TSPAN33: variants seen among roughly 807,000 people sequenced by gnomAD.
The protein encoded by TSPAN33 is tetraspanin 33.
Under a neutral mutation model 34.8 loss-of-function variants are expected in TSPAN33, and 27 were observed. The observed-to-expected ratio is 0.78, with a 90% confidence interval of 0.57 to 1.07. The LOEUF is 1.07. Among genes scored for constraint, TSPAN33 ranks in the 50% least tolerant of loss-of-function variants. The probability of loss-of-function intolerance (pLI) is 0.00; values close to 1 mark genes in which losing one functional copy is unlikely to be tolerated. For missense variants in TSPAN33, 272 were observed against 324.9 expected, an observed-to-expected ratio of 0.84 and a Z score of 1.25; for synonymous variants, 119 against 124.2, an observed-to-expected ratio of 0.96 and a Z score of 0.28.
In TSPAN33 at chr7:129,162,383, T is replaced by C; in HGVS notation, c.161-11T>C. On this transcript the variant is annotated splice_polypyrimidine_tract_variant and intron_variant, in intron 2 of 7. Coordinates refer to ENST00000486685, the MANE Select transcript of TSPAN33 (RefSeq NM_178562.5). Reference sequence around the variant, plus strand: ...CACCAGGCTCAGGCTGAGGGCCGGCTCCTTTTCCAGAAGCAGCCCTAGCCT... The same window carrying C: ...CACCAGGCTCAGGCTGAGGGCCGGCCCCTTTTCCAGAAGCAGCCCTAGCCT... 1 of 1,611,562 alleles carries C rather than the reference T, an allele frequency of 6.2e-7. No individual in the cohort carries two copies.
chr7:129,147,294 A>G (rs1810534575), intron 1 of TSPAN33, among the ~76,000 whole-genome samples: 1 of 152,106 alleles, frequency 6.6e-6, no homozygotes, highest in African/African-American at 2.4e-5. Context: ...AGGAGAAACA[A>G]TTTCTGCCTC....
chr7:129,151,006 T>A (rs12666384), intron 1 of TSPAN33, among the ~76,000 whole-genome samples: 32,374 of 152,188 alleles, frequency 0.21, 3,637 homozygotes, highest in Admixed American at 0.27. Flanking sequence ...TTTATGGAGA[T>A]ACTTCCTATA....
At chr7:129,158,869 G>A (rs1466485731) in intron 1 of TSPAN33, among the ~76,000 whole-genome samples, 1 of 151,968 alleles carries the variant, frequency 6.6e-6, no homozygotes, top group Admixed American at 6.6e-5. Context: ...TTCTGCCTCA[G>A]CCTCCTAAGT....
intron 1 of TSPAN33, among the ~76,000 whole-genome samples, chr7:129,160,427 G>C (rs1793030645): frequency 6.6e-6 from 1 of 152,176 alleles, no homozygotes; most frequent in African/African-American, 2.4e-5. Flanking sequence ...CTTAGCACCA[G>C]CCTGGAGACT....
At position 129,162,851 on chromosome 7, in the gene TSPAN33, G is replaced by A. The variant is rs142211237; in HGVS notation, c.307G>A (p.Ala103Thr). ...TCCACAGTTCTCCCTCTGCCTCACC[G>A]CTGTGTTCCTGCTGCAGCTGGCCGC... Reference protein sequence around the residue: ...LLQTFSLCLTAVFLLQLAAGI... With the variant: ...LLQTFSLCLTTVFLLQLAAGI... Residue 103 changes from alanine to threonine, a missense_variant, in exon 4 of 8, where the codon GCT (alanine) becomes ACT (threonine). By Grantham distance (58) the Ala-to-Thr change is moderately conservative. Coordinates refer to ENST00000486685, the MANE Select transcript of TSPAN33 (RefSeq NM_178562.5). 77 of 1,613,776 alleles carry A rather than the reference G, an allele frequency of 4.8e-5. No individual in the cohort carries two copies. In the Middle Eastern group the frequency reaches 4.9e-4, roughly 10 times the overall value.
intron 1 of TSPAN33, among the ~76,000 whole-genome samples, chr7:129,157,960 G>A (rs140235635): frequency 3.5e-4 from 53 of 152,284 alleles, no homozygotes; most frequent in African/African-American, 8.2e-4. Context: ...AGGTTTCACC[G>A]GGCTAAAATC....
rs1260173398 is a variant in TSPAN33, at chr7:129,167,884, C to A, written c.*10C>A. 1 of 1,613,312 alleles carries A rather than the reference C, an allele frequency of 6.2e-7. No individual in the cohort carries two copies. The highest frequency in any genetic ancestry group is 8.5e-7 in the Non-Finnish European group (1 of 1,179,774). The stretch of plus-strand genomic sequence containing the variant: ...TGACCCATGGTACTGAGAATCCATC[C>A]TGCACCTCCTCACCATGGAAACTGG... On this transcript the variant is annotated 3_prime_UTR_variant, in exon 8 of 8. Transcript: ENST00000486685. This position sits in a 1 kb window ranked among gnomAD's most constrained non-coding sequence, Gnocchi z 4.6.
At position 129,163,244 on chromosome 7, in the gene TSPAN33, T is replaced by G. The variant is rs78824571; in HGVS notation, c.363+337T>G. Among the ~76,000 whole-genome samples, 254 of 152,248 alleles carry G rather than the reference T, an allele frequency of 1.7e-3. 2 individuals are homozygous for G. Among genetic ancestry groups the G allele is most frequent in the African/African-American group, 5.6e-3 (234 of 41,550 alleles). On this transcript the variant is annotated intron_variant, in intron 4 of 7. Transcript: ENST00000486685. Reference sequence around the variant, plus strand: ...ACTGACAATATGAAGAGCCTCTTATTTCTTTTAAAAATTGTTTATTGAGAT... The same window carrying G: ...ACTGACAATATGAAGAGCCTCTTATGTCTTTTAAAAATTGTTTATTGAGAT...
intron 1 of TSPAN33, among the ~76,000 whole-genome samples, chr7:129,155,682 T>A (rs1810656386): frequency 6.6e-6 from 1 of 151,964 alleles, no homozygotes; most frequent in Non-Finnish European, 1.5e-5. Context: ...TTATTTAATA[T>A]CCTTCTGTTC....
In TSPAN33 at chr7:129,164,503, C is replaced by T. The variant is rs2150628065; in HGVS notation, c.393C>T (p.Asn131=). 1 of 1,614,130 alleles carries T rather than the reference C, an allele frequency of 6.2e-7. No homozygotes were observed. The highest frequency in any genetic ancestry group is 2.2e-5 in the East Asian group (1 of 44,884). Residue 131 remains asparagine (N), a synonymous_variant, in exon 5 of 8, where the codon AAC becomes AAT. Transcript: ENST00000486685. ...KARGKVSEII[N]NAIVHYRDDL... ...GAGGGAAAGTGAGTGAGATCATCAA[C>T]AATGCCATTGTGCACTACCGAGATG...
intron 1 of TSPAN33, among the ~76,000 whole-genome samples, chr7:129,156,781 G>A (rs1810670327): frequency 6.6e-6 from 1 of 152,112 alleles, no homozygotes. Context: ...CTCATCTCGT[G>A]CCTTTCCTGC....
intron 5 of TSPAN33, 167 bp from the exon 6 acceptor site, chr7:129,166,611 G>A: frequency 1.5e-6 from 1 of 681,114 alleles, no homozygotes; most frequent in Non-Finnish European, 2.5e-6. Flanking sequence ...ATATCTTCAG[G>A]CGAAGGCAAC....
chr7:129,167,723 C>A lies in TSPAN33; in HGVS notation c.751-50C>A. 6.3e-7 allele frequency: 1 copy of A among 1,599,238 alleles called. No homozygotes were observed. The highest frequency in any genetic ancestry group is 8.6e-7 in the Non-Finnish European group (1 of 1,167,412). ...ACTGGGAAGATCGAGCCAGGGAAAA[C>A]AAGGCCATCACTCACTGCTGAGTGC... is the stretch of plus-strand genomic sequence containing the variant. On this transcript the variant is annotated intron_variant, in intron 7 of 7. Transcript: ENST00000486685. The surrounding 1 kb of genome is among the most constrained non-coding windows in gnomAD (Gnocchi z 4.6).
chr7:129,147,372 A>G (rs1225935858), intron 1 of TSPAN33, among the ~76,000 whole-genome samples: 1 of 152,112 alleles, frequency 6.6e-6, no homozygotes, highest in Non-Finnish European at 1.5e-5. Context: ...CTAGAGCTGG[A>G]TCTAAGGATG....
chr7:129,151,437 G>T (rs191975137), intron 1 of TSPAN33, among the ~76,000 whole-genome samples: 52 of 152,134 alleles, frequency 3.4e-4, no homozygotes, highest in Non-Finnish European at 6.2e-4. Flanking sequence ...GATCTTAAAT[G>T]CAATCCAGTA....
Position 129,144,907 on chromosome 7 carries a change from CG to C in TSPAN33, c.-71del, listed in dbSNP as rs1334350119. ...CGCGGCGCGGCTCGGCTCATGCCCCCGGGCGCGGGGCACACAGGCCGGCCGG... is the reference window on the plus strand; with the variant it reads ...CGCGGCGCGGCTCGGCTCATGCCCCCGGCGCGGGGCACACAGGCCGGCCGG... On this transcript the variant is annotated 5_prime_UTR_variant, in exon 1 of 8. An upstream open reading frame in the 5' UTR loses its in-frame stop. Transcript: ENST00000486685. The C allele has an allele frequency of 3.3e-6, 1 of 302,606 alleles. No homozygotes were observed. Among genetic ancestry groups the C allele is most frequent in the African/African-American group, 2.3e-5 (1 of 43,944 alleles). 18.7% of individuals were successfully genotyped at this position (302,606 alleles called of 1,614,324 possible).
intron 2 of TSPAN33, 82 bp from the exon 3 acceptor site, chr7:129,162,308 GAGAA>G: frequency 1.3e-6 from 2 of 1,573,460 alleles, no homozygotes; most frequent in Non-Finnish European, 8.6e-7. Flanking sequence ...CCAGGGGAAG[GAGAA>G]CAGTTTGGGG....
Position 129,161,717 on chromosome 7 carries a change from T to C in TSPAN33, c.141T>C (p.Ala47=), listed in dbSNP as rs768298860. 4 of 1,614,162 alleles carry C rather than the reference T, an allele frequency of 2.5e-6. No homozygotes were observed. Among genetic ancestry groups the C allele is most frequent in the Non-Finnish European group, 3.4e-6 (4 of 1,180,012 alleles). The change falls in exon 2 of 8, where the codon GCT becomes GCC. Residue 47 remains alanine (A), a synonymous_variant. Transcript: ENST00000486685. The part of the protein sequence containing the change: ...SMVMVAVGVY[A]RLMKHAEAAL... ...TGATGGTGGCTGTGGGTGTCTACGCTCGGCTAATGAAGCATGCAGGTGAGC... is the reference window on the plus strand; with the variant it reads ...TGATGGTGGCTGTGGGTGTCTACGCCCGGCTAATGAAGCATGCAGGTGAGC...
Position 129,162,920 on chromosome 7 carries a change from G to T in TSPAN33, c.363+13G>T, listed in dbSNP as rs367886434. ...CTTCTCAGACAAGGTAACACTGGGA[G>T]CCAGGAGGCCTCCTCAGGTGTGACC... On this transcript the variant is annotated intron_variant, in intron 4 of 7. Transcript: ENST00000486685. The T allele has an allele frequency of 1.8e-5, 29 of 1,612,950 alleles. No individual in the cohort carries two copies. Among genetic ancestry groups the T allele is most frequent in the East Asian group, 6.7e-5 (3 of 44,882 alleles).
Sources: allele counts gnomAD v4.1 joint callset (sites outside exome capture counted in the v4.1 genomes callset), GRCh38; gene constraint gnomAD v4.1.1; non-coding constraint Gnocchi (gnomAD v3.1); transcripts MANE v1.5; gene names NCBI Gene and HGNC (gene_info 2026-07-23, HGNC 2026-07-21).